ADH7: variants seen among roughly 807,000 people sequenced by gnomAD.
The protein encoded by ADH7 is all-trans-retinol dehydrogenase [NAD(+)] ADH7.
Under a neutral mutation model 34.4 loss-of-function variants are expected in ADH7, and 41 were observed. That is an observed-to-expected ratio of 1.19 (90% CI 0.93 to 1.55). The LOEUF is 1.55. ADH7 is among the 40% of genes most tolerant of loss of function. The pLI is 0.00. For synonymous variants in ADH7, 180 were observed against 160.9 expected, an observed-to-expected ratio of 1.12 and a Z score of -0.90; for missense variants, 540 against 461.2, an observed-to-expected ratio of 1.17 and a Z score of -1.56.
rs752156491 is a variant in ADH7 at position 99,427,853 on chromosome 4, C to T, written c.484G>A (p.Asp162Asn). 9.9e-6 allele frequency: 16 copies of T among 1,613,130 alleles called. No individual in the cohort carries two copies. Among genetic ancestry groups the T allele is most frequent in the Non-Finnish European group, 1.3e-5 (15 of 1,179,498 alleles). Residue 162 changes from aspartate (D) to asparagine (N), a missense_variant, in exon 5 of 9, where the codon GAT becomes AAT. Physicochemically the swap from Asp to Asn is conservative, Grantham distance 23. Coordinates refer to ENST00000437033, the MANE Select transcript of ADH7 (RefSeq NM_000673.7). ...VDESSVAKID[D>N]AAPPEKVCLI... is the part of the protein sequence containing the mutation. ...CAGACTTTCTCAGGAGGAGCTGCAT[C>T]ATCAATCTTAGCAACAGAAGATTCA... is the stretch of plus-strand genomic sequence containing the variant.
intron 5 of ADH7, among the ~76,000 whole-genome samples, chr4:99,423,811 T>C (rs1242078953): frequency 6.6e-6 from 1 of 152,150 alleles, no homozygotes; most frequent in Non-Finnish European, 1.5e-5. Context: ...GCAAAAATTT[T>C]CCCCCATTTT....
intron 6 of ADH7, among the ~76,000 whole-genome samples, chr4:99,419,496 T>A (rs1367227765): frequency 6.6e-6 from 1 of 152,110 alleles, no homozygotes; most frequent in Non-Finnish European, 1.5e-5. Flanking sequence ...GTTTTTTTTT[T>A]AAGTTTAGTC....
Position 99,427,992 on chromosome 4 carries a change from G to A in ADH7, c.348-3C>T. ...CCAGTACTCCACGACCAGTAATACTGTTTGATACATCAAATACACGTATTA... is the reference window on the plus strand; with the variant it reads ...CCAGTACTCCACGACCAGTAATACTATTTGATACATCAAATACACGTATTA... On this transcript the variant is annotated splice_region_variant and splice_polypyrimidine_tract_variant and intron_variant, in intron 4 of 8. Coordinates refer to ENST00000437033, the MANE Select transcript of ADH7 (RefSeq NM_000673.7). The A allele has an allele frequency of 6.2e-7, 1 of 1,613,698 alleles. No individual in the cohort carries two copies. Among genetic ancestry groups the A allele is most frequent in the Non-Finnish European group, 8.5e-7 (1 of 1,179,708 alleles).
intron 5 of ADH7, among the ~76,000 whole-genome samples, chr4:99,424,654 G>T (rs1376984752): frequency 1.3e-5 from 2 of 152,168 alleles, no homozygotes; most frequent in African/African-American, 4.8e-5. Flanking sequence ...GTGAATGGGA[G>T]TTCACTCATG....
chr4:99,427,063 A>T (rs1466129447), intron 5 of ADH7, among the ~76,000 whole-genome samples: 1 of 152,198 alleles, frequency 6.6e-6, no homozygotes, highest in Non-Finnish European at 1.5e-5. Context: ...ACGTATCTCA[A>T]AATAATAAGA....
intron 5 of ADH7, among the ~76,000 whole-genome samples, chr4:99,426,262 A>T (rs576378672): frequency 5.9e-5 from 9 of 152,340 alleles, no homozygotes; most frequent in African/African-American, 2.2e-4. Flanking sequence ...AAAATTAATG[A>T]ATCATGGAGC....
chr4:99,423,185 T>C (rs1208647975), intron 5 of ADH7, among the ~76,000 whole-genome samples: 1 of 151,316 alleles, frequency 6.6e-6, no homozygotes, highest in African/African-American at 2.4e-5. Flanking sequence ...GCTTCATCCA[T>C]GTCCCTACAA....
rs1376227425 is a variant in ADH7, at chr4:99,428,063, A to G, written c.347+24T>C. 3 of 1,613,444 alleles carry G rather than the reference A, an allele frequency of 1.9e-6. No homozygotes were observed. In the Admixed American group the frequency reaches 5.0e-5, roughly 27 times the overall value. ...AGCATAGGAAAAATGTAAATACATTAAAGTAAAAATGACTGAAACCTACTC... is the reference window on the plus strand; with the variant it reads ...AGCATAGGAAAAATGTAAATACATTGAAGTAAAAATGACTGAAACCTACTC... On this transcript the variant is annotated intron_variant, in intron 4 of 8. Transcript: ENST00000437033.
intron 5 of ADH7, among the ~76,000 whole-genome samples, chr4:99,424,911 T>C (rs1229471954): frequency 6.6e-6 from 1 of 152,136 alleles, no homozygotes; most frequent in Non-Finnish European, 1.5e-5. Context: ...TCCAACACTA[T>C]GTTGAATAGG....
chr4:99,431,940 A>G (rs1035062763), intron 1 of ADH7, among the ~76,000 whole-genome samples: 2 of 152,178 alleles, frequency 1.3e-5, no homozygotes, highest in Non-Finnish European at 2.9e-5. Flanking sequence ...CAGGATTAAC[A>G]TTTGACCCAG....
chr4:99,423,636 G>T (rs896841662), intron 5 of ADH7, among the ~76,000 whole-genome samples: 3 of 152,208 alleles, frequency 2.0e-5, no homozygotes, highest in Non-Finnish European at 4.4e-5. Context: ...CAGTGATGGT[G>T]AGCATTTTTC....
At chr4:99,421,055 G>A (rs963672103) in intron 5 of ADH7, among the ~76,000 whole-genome samples, 12 of 152,072 alleles carry the variant, frequency 7.9e-5, no homozygotes, top group South Asian at 2.1e-4. Context: ...AATCAATATC[G>A]TGAAAATGGC....
chr4:99,417,815 T>C (rs1054099318), intron 7 of ADH7, among the ~76,000 whole-genome samples: 2 of 152,184 alleles, frequency 1.3e-5, no homozygotes, highest in African/African-American at 4.8e-5. Context: ...TCTTCCCACT[T>C]CCCACAAATA....
intron 1 of ADH7, among the ~76,000 whole-genome samples, chr4:99,429,883 G>C (rs1351259140): frequency 6.6e-6 from 1 of 152,106 alleles, no homozygotes; most frequent in Non-Finnish European, 1.5e-5. Flanking sequence ...TGCAGAGCTG[G>C]ACTAGACCTG....
At chr4:99,413,576 C>A (rs1326522439) in intron 8 of ADH7, among the ~76,000 whole-genome samples, 2 of 152,126 alleles carry the variant, frequency 1.3e-5, no homozygotes, top group Admixed American at 6.5e-5. Context: ...AGAATGAATG[C>A]CAAATTCTTA....
chr4:99,415,441 G>A, intron 8 of ADH7, 37 bp downstream of exon 8: 1 of 1,596,546 alleles, frequency 6.3e-7, no homozygotes. Flanking sequence ...AAAGTAGCCT[G>A]TGGAGAAGAG....
intron 1 of ADH7, chr4:99,434,922 T>A: frequency 9.8e-7 from 1 of 1,016,528 alleles, no homozygotes. Flanking sequence ...CTGGAGCAAT[T>A]GCCCAGCTAT....
Position 99,420,570 on chromosome 4 carries a change from C to A in ADH7, c.788G>T (p.Gly263Val), listed in dbSNP as rs866553347. The A allele has an allele frequency of 2.5e-6, 4 of 1,613,878 alleles. No homozygotes were observed. Reference sequence around the variant, plus strand: ...ATGCCCAATAACTTCAAAGGTGTATCCCACGTTGTTGCCTGTCATTTCTGA... The same window carrying A: ...ATGCCCAATAACTTCAAAGGTGTATACCACGTTGTTGCCTGTCATTTCTGA... ...VLSEMTGNNV[G>V]YTFEVIGHLE... The change falls in exon 6 of 9, where the codon GGA (glycine) becomes GTA (valine). Residue 263 changes from glycine (G) to valine (V), a missense_variant. Coordinates refer to ENST00000437033, the MANE Select transcript of ADH7 (RefSeq NM_000673.7).
In ADH7 at chr4:99,412,270, T is replaced by C. The variant is rs1415662361; in HGVS notation, c.*878A>G. Reference sequence around the variant, plus strand: ...ATATATCACCACAAAACATTTTATATAATTTTTAATTTTCTTAAGAATTTT... The same window carrying C: ...ATATATCACCACAAAACATTTTATACAATTTTTAATTTTCTTAAGAATTTT... On this transcript the variant is annotated 3_prime_UTR_variant, in exon 9 of 9. Coordinates refer to ENST00000437033, the MANE Select transcript of ADH7 (RefSeq NM_000673.7). The C allele has an allele frequency of 6.6e-6, 1 of 152,122 alleles. No individual in the cohort carries two copies. The highest frequency in any genetic ancestry group is 1.5e-5 in the Non-Finnish European group (1 of 67,982). The allele number at this position is 152,122 out of a possible 1,614,324, so 9.4% of individuals were successfully genotyped here.
Sources: gnomAD v4.1 joint callset for allele counts (sites outside exome capture counted in the v4.1 genomes callset) on GRCh38, gnomAD v4.1.1 for gene constraint, MANE v1.5 for transcripts, NCBI Gene and HGNC (gene_info 2026-07-23, HGNC 2026-07-21) for gene names.